Variants in ASPH observed in about 807,000 individuals in gnomAD.
ASPH encodes aspartate beta-hydroxylase.
In ASPH, 100 loss-of-function variants were observed where a neutral mutation model predicts 118.4. The observed-to-expected ratio is 0.84, with a 90% CI of 0.72 to 1.00. The LOEUF is 1.00. Ranked by LOEUF, ASPH falls within the 50% of genes least tolerant of loss-of-function variation. ASPH has a pLI of 0.00. For missense variants in ASPH, 920 were observed against 919.5 expected (o/e 1.00, Z -0.01); for synonymous variants, 315 against 325.6 (o/e 0.97, Z 0.35).
At chr8:61,542,533 T>C (rs1822320556) in intron 21 of ASPH, among the ~76,000 whole-genome samples, 1 of 152,226 alleles carries the variant, frequency 6.6e-6, no homozygotes. Context: ...CTTTGCACTA[T>C]TATCATACAA....
chr8:61,629,221 T>C (rs574616138), intron 13 of ASPH, among the ~76,000 whole-genome samples: 68 of 152,194 alleles, frequency 4.5e-4, no homozygotes, highest in Admixed American at 2.7e-3. Context: ...CTGAAGAACA[T>C]GGTTACACAA....
At chr8:61,640,806 T>C (rs1383486661) in intron 10 of ASPH, among the ~76,000 whole-genome samples, 1 of 152,212 alleles carries the variant, frequency 6.6e-6, no homozygotes, top group African/African-American at 2.4e-5. Flanking sequence ...TACTGTCACT[T>C]CCCAGGTTTG....
At chr8:61,672,042 C>T (rs965575750) in intron 3 of ASPH, among the ~76,000 whole-genome samples, 3 of 152,186 alleles carry the variant, frequency 2.0e-5, no homozygotes, top group African/African-American at 7.2e-5. Context: ...CATCTTCCTC[C>T]GTCCCATACT....
intron 15 of ASPH, among the ~76,000 whole-genome samples, chr8:61,579,909 C>CAAA (rs35492301): frequency 8.9e-4 from 44 of 49,468 alleles, no homozygotes; most frequent in African/African-American, 2.7e-3. Context: ...CTGCCAATGT[C>CAAA]AAAAAAAAAA....
intron 21 of ASPH, among the ~76,000 whole-genome samples, chr8:61,539,201 A>T (rs904220442): frequency 8.5e-5 from 13 of 152,286 alleles, no homozygotes; most frequent in South Asian, 4.2e-4. Context: ...AGATCACTCC[A>T]CTGCACCCCA....
At chr8:61,599,467 A>G (rs1171649035) in intron 14 of ASPH, among the ~76,000 whole-genome samples, 1 of 144,568 alleles carries the variant, frequency 6.9e-6, no homozygotes. Context: ...CTTAAAGTAT[A>G]TTAAAAAAGT....
intron 1 of ASPH, among the ~76,000 whole-genome samples, chr8:61,697,580 G>C (rs867025733): frequency 6.6e-6 from 1 of 152,084 alleles, no homozygotes; most frequent in Non-Finnish European, 1.5e-5. Flanking sequence ...GCTATAAATC[G>C]GAGTTCCCAA....
intron 1 of ASPH, among the ~76,000 whole-genome samples, chr8:61,701,814 A>C (rs1835306393): frequency 6.6e-6 from 1 of 152,234 alleles, no homozygotes; most frequent in South Asian, 2.1e-4. Context: ...CCAAATTACC[A>C]GTATTAAATG....
At chr8:61,635,055 T>C (rs1212334339) in intron 12 of ASPH, among the ~76,000 whole-genome samples, 1 of 152,200 alleles carries the variant, frequency 6.6e-6, no homozygotes, top group Non-Finnish European at 1.5e-5. Context: ...ACTCCAGGTC[T>C]TTTTGAACCC....
At chr8:61,619,541 T>A (rs2074283438) in intron 13 of ASPH, among the ~76,000 whole-genome samples, 1 of 152,176 alleles carries the variant, frequency 6.6e-6, no homozygotes. Context: ...GAAGCCCAGA[T>A]GAGAAGCCAG....
intron 16 of ASPH, among the ~76,000 whole-genome samples, chr8:61,568,619 G>GTTAA (rs966676579): frequency 2.0e-5 from 3 of 152,182 alleles, no homozygotes; most frequent in African/African-American, 7.2e-5. Flanking sequence ...AGTAAGAGAA[G>GTTAA]TTAAGTGTGG....
intron 1 of ASPH, among the ~76,000 whole-genome samples, chr8:61,688,312 G>C (rs146056459): frequency 6.6e-6 from 1 of 152,234 alleles, no homozygotes; most frequent in African/African-American, 2.4e-5. Flanking sequence ...AGAACGATGC[G>C]ATTCATTTTT....
At chr8:61,685,578 A>C (rs925656868) in intron 1 of ASPH, among the ~76,000 whole-genome samples, 1 of 152,110 alleles carries the variant, frequency 6.6e-6, no homozygotes, top group Non-Finnish European at 1.5e-5. Context: ...TACTATTAGT[A>C]ATTTCCAGCG....
chr8:61,581,780 GTAA>G (rs1432147164), intron 15 of ASPH, among the ~76,000 whole-genome samples: 2 of 152,130 alleles, frequency 1.3e-5, no homozygotes, highest in East Asian at 1.9e-4. Context: ...TTACAATGCT[GTAA>G]TAATAAGTGA....
chr8:61,514,536 C>T (rs774491638), intron 24 of ASPH, among the ~76,000 whole-genome samples: 2 of 151,942 alleles, frequency 1.3e-5, no homozygotes, highest in East Asian at 3.9e-4. Flanking sequence ...GGTGAAACCC[C>T]GTCTCTACTA....
At chr8:61,543,718 T>C (rs1392670933) in intron 21 of ASPH, among the ~76,000 whole-genome samples, 1 of 152,184 alleles carries the variant, frequency 6.6e-6, no homozygotes, top group Non-Finnish European at 1.5e-5. Context: ...AACTGGACAG[T>C]TTTTAGATAA....
chr8:61,580,904 C>T (rs916294297), intron 15 of ASPH, among the ~76,000 whole-genome samples: 1 of 152,194 alleles, frequency 6.6e-6, no homozygotes, highest in Non-Finnish European at 1.5e-5. Flanking sequence ...TTTACAGGTT[C>T]CAGACACATA....
intron 16 of ASPH, among the ~76,000 whole-genome samples, chr8:61,573,664 C>T (rs909151566): frequency 4.6e-5 from 7 of 152,074 alleles, no homozygotes; most frequent in Admixed American, 3.3e-4. Context: ...TAGCCATATG[C>T]AGAAAACTGA....
intron 1 of ASPH, among the ~76,000 whole-genome samples, chr8:61,693,084 T>A (rs1405123813): frequency 6.6e-6 from 1 of 152,116 alleles, no homozygotes; most frequent in African/African-American, 2.4e-5. Flanking sequence ...CCAGTGACTT[T>A]CCCACTCCCA....
Sources: allele counts gnomAD v4.1 joint callset (sites outside exome capture counted in the v4.1 genomes callset), GRCh38; gene constraint gnomAD v4.1.1; transcripts MANE v1.5; gene names NCBI Gene and HGNC (gene_info 2026-07-23, HGNC 2026-07-21).